DSG4: variants seen among roughly 807,000 people sequenced by gnomAD.
DSG4 encodes the protein desmoglein-4.
Under a neutral mutation model 93.1 loss-of-function variants are expected in DSG4, and 87 were observed. That is an observed-to-expected ratio of 0.93 (90% confidence interval 0.79 to 1.12). The LOEUF is 1.12. Among genes scored for constraint, DSG4 ranks in the 50% most tolerant of loss-of-function variants. The pLI is 0.00. For missense variants in DSG4, 1,373 were observed against 1,285.7 expected (o/e 1.07, Z -1.04); for synonymous variants, 432 against 452.9 (o/e 0.95, Z 0.59).
chr18:31,399,313 C>T lies in DSG4; in HGVS notation c.1047C>T (p.Ile349=), dbSNP rs768184020. ...AAGCACCTAACATTCAGCTTAGTAT[C>T]GGAGTTAAAAACCAAGCTGATTTTC... The part of the protein sequence containing the change: ...YEQAPNIQLS[I]GVKNQADFHY... The change falls in exon 9 of 16, where the codon ATC becomes ATT. Residue 349 remains isoleucine (I), a synonymous_variant. Transcript: ENST00000308128. The T allele has an allele frequency of 6.8e-6, 11 of 1,613,848 alleles. No homozygotes were observed. The highest frequency in any genetic ancestry group is 4.5e-5 in the East Asian group (2 of 44,884).
In DSG4 at chr18:31,411,268, G is replaced by A. The variant is rs1277436675; in HGVS notation, c.2175G>A (p.Val725=). ...YTNTYAAGGT[V]EGGVSGVELN... is the part of the protein sequence containing the mutation. ...ACACCTATGCAGCCGGGGGCACGGT[G>A]GAAGGAGGTGTATCGGGAGTGGAGC... The change falls in exon 15 of 16, where the codon GTG becomes GTA. Residue 725 remains valine (V), a synonymous_variant. Coordinates refer to ENST00000308128, the MANE Select transcript of DSG4 (RefSeq NM_177986.5). The A allele has an allele frequency of 6.2e-7, 1 of 1,614,196 alleles. No homozygotes were observed. Among genetic ancestry groups the A allele is most frequent in the Non-Finnish European group, 8.5e-7 (1 of 1,180,036 alleles).
rs576113919 is a variant in DSG4 at position 31,399,224 on chromosome 18, A to G, written c.1006-48A>G. Reference sequence around the variant, plus strand: ...TTACCATGGCTTCTTACTTTATCGAAAGAGAGTTCTTTGCTGTTTCAGAGT... The same window carrying G: ...TTACCATGGCTTCTTACTTTATCGAGAGAGAGTTCTTTGCTGTTTCAGAGT... On this transcript the variant is annotated intron_variant, in intron 8 of 15. Coordinates refer to ENST00000308128, the MANE Select transcript of DSG4 (RefSeq NM_177986.5). The G allele has an allele frequency of 2.8e-4, 444 of 1,610,782 alleles. 5 individuals are homozygous for G. In the South Asian group the frequency reaches 4.6e-3, roughly 17 times the overall value.
rs1032052752 is a variant in DSG4 at position 31,376,810 on chromosome 18, G to C, written c.-102G>C. ...TTATCACCCATGCCCTCCTAAAAGG[G>C]TGTCTCAAAGCATATCTTTCTGTAG... On this transcript the variant is annotated 5_prime_UTR_variant, in exon 1 of 16. Coordinates refer to ENST00000308128, the MANE Select transcript of DSG4 (RefSeq NM_177986.5). The C allele has an allele frequency of 7.8e-6, 10 of 1,275,236 alleles. No homozygotes were observed. Among genetic ancestry groups the C allele is most frequent in the Non-Finnish European group, 1.1e-5 (10 of 877,268 alleles). 79.0% of individuals were successfully genotyped at this position (1,275,236 alleles called of 1,614,324 possible).
rs762235781 is a variant in DSG4 at position 31,406,096 on chromosome 18, G to T, written c.1656G>T (p.Thr552=). The T allele has an allele frequency of 6.2e-7, 1 of 1,613,838 alleles. No homozygotes were observed. Among genetic ancestry groups the T allele is most frequent in the Non-Finnish European group, 8.5e-7 (1 of 1,179,892 alleles). Residue 552 remains threonine (T), a synonymous_variant, in exon 12 of 16, where the codon ACG becomes ACT. Coordinates refer to ENST00000308128, the MANE Select transcript of DSG4 (RefSeq NM_177986.5). ...RSTNATSAIL[T]AKQVLSPGFY... The stretch of plus-strand genomic sequence containing the variant: ...TTTCAGCTACCTCGGCAATCCTTAC[G>T]GCTAAGCAGGTTTTATCTCCAGGAT...
Position 31,413,048 on chromosome 18 carries a change from A to G in DSG4, c.2576A>G (p.Gln859Arg). ...GAAATTGAACCATTTCCTTCACACCAGGCTTGTATACCAATCAGTACTGAC... is the reference window on the plus strand; with the variant it reads ...GAAATTGAACCATTTCCTTCACACCGGGCTTGTATACCAATCAGTACTGAC... The part of the protein sequence containing the change: ...NTEIEPFPSH[Q>R]ACIPISTDLP... The change falls in exon 16 of 16, where the codon CAG (glutamine) becomes CGG (arginine). Residue 859 changes from glutamine to arginine, a missense_variant. Transcript: ENST00000308128. 1 of 1,614,184 alleles carries G rather than the reference A, an allele frequency of 6.2e-7. No homozygotes were observed.
Position 31,390,789 on chromosome 18 carries a change from A to C in DSG4, c.651A>C (p.Glu217Asp). 6.2e-7 allele frequency: 1 copy of C among 1,613,754 alleles called. No homozygotes were observed. Among genetic ancestry groups the C allele is most frequent in the South Asian group, 1.1e-5 (1 of 91,078 alleles). Reference protein sequence around the residue: ...PMFILNRYTGEVCTMSSFLDR... With the variant: ...PMFILNRYTGDVCTMSSFLDR... ...TCATTCTGAATAGGTACACTGGAGA[A>C]GTCTGCACCATGTCCAGTTTCTTGG... is the stretch of plus-strand genomic sequence containing the variant. The change falls in exon 6 of 16, where the codon GAA (glutamate) becomes GAC (aspartate). Residue 217 changes from glutamate (E) to aspartate (D), a missense_variant. Glu to Asp is a conservative substitution (Grantham distance 45). Transcript: ENST00000308128.
chr18:31,400,346 C>T (rs1340075140), intron 9 of DSG4, among the ~76,000 whole-genome samples: 2 of 152,176 alleles, frequency 1.3e-5, no homozygotes, highest in Non-Finnish European at 2.9e-5. Context: ...GAACTGAAGA[C>T]TTGAAATTGT....
At chr18:31,401,866 G>A (rs1012770034) in intron 10 of DSG4, among the ~76,000 whole-genome samples, 2 of 152,112 alleles carry the variant, frequency 1.3e-5, no homozygotes, top group African/African-American at 4.8e-5. Flanking sequence ...TAAAGAAGCA[G>A]CATAAAATTC....
rs73410275 is a variant in DSG4 at position 31,388,233 on chromosome 18, C to T, written c.217-134C>T. 5,201 of 975,962 alleles carry T rather than the reference C, an allele frequency of 5.3e-3. 192 individuals are homozygous for T. The African/African-American group carries it at 0.075, about 14-fold the overall frequency. 60.5% of individuals were successfully genotyped at this position (975,962 alleles called of 1,614,324 possible). ...GTTAAGTAAATTTTCCAGGGTCACA[C>T]AGGACTAAGTCATGGTGTCAGGTTT... On this transcript the variant is annotated intron_variant, in intron 3 of 15. Transcript: ENST00000308128.
In DSG4 at chr18:31,399,467, A is replaced by G; in HGVS notation, c.1201A>G (p.Ser401Gly). 2 of 1,614,084 alleles carry G rather than the reference A, an allele frequency of 1.2e-6. No individual in the cohort carries two copies. The highest frequency in any genetic ancestry group is 1.1e-5 in the South Asian group (1 of 91,084). Reference sequence around the variant, plus strand: ...TAGTGTGCGGGAAGGAATAAAAGGAAGTTCCTTATTGAATTATGTGCTTGG... The same window carrying G: ...TAGTGTGCGGGAAGGAATAAAAGGAGGTTCCTTATTGAATTATGTGCTTGG... ...AFSVREGIKG[S>G]SLLNYVLGTY... The change falls in exon 9 of 16, where the codon AGT becomes GGT. Residue 401 changes from serine to glycine, a missense_variant. By Grantham distance (56) the Ser-to-Gly change is moderately conservative (BLOSUM62 0). Coordinates refer to ENST00000308128, the MANE Select transcript of DSG4 (RefSeq NM_177986.5).
chr18:31,413,192 T>A lies in DSG4; in HGVS notation c.2720T>A (p.Val907Glu). Reference sequence around the variant, plus strand: ...CCCGTGGTCCATGGGGATATTATTGTGACTGAGACTTACGGTAATGCTGAT... The same window carrying A: ...CCCGTGGTCCATGGGGATATTATTGAGACTGAGACTTACGGTAATGCTGAT... Reference protein sequence around the residue: ...SEPVVHGDIIVTETYGNADPC... With the variant: ...SEPVVHGDIIETETYGNADPC... The change falls in exon 16 of 16, where the codon GTG becomes GAG. Residue 907 changes from valine (V) to glutamate (E), a missense_variant. Transcript: ENST00000308128. The A allele has an allele frequency of 6.2e-7, 1 of 1,614,180 alleles. No individual in the cohort carries two copies. The highest frequency in any genetic ancestry group is 8.5e-7 in the Non-Finnish European group (1 of 1,180,028).
chr18:31,402,773 C>T (rs1214825608), intron 10 of DSG4, among the ~76,000 whole-genome samples: 1 of 152,158 alleles, frequency 6.6e-6, no homozygotes, highest in Admixed American at 6.5e-5. Context: ...AGCTCCTGGA[C>T]TCCTAATCTT....
chr18:31,386,544 A>T, intron 2 of DSG4, 144 bp from the exon 3 acceptor site: 1 of 1,186,324 alleles, frequency 8.4e-7, no homozygotes, highest in Non-Finnish European at 1.2e-6. Context: ...ATCTATCCAG[A>T]GTTGTGAATT....
At chr18:31,391,762 C>T (rs1481312939) in intron 7 of DSG4, among the ~76,000 whole-genome samples, 1 of 152,048 alleles carries the variant, frequency 6.6e-6, no homozygotes. Context: ...TGTGCTGCAA[C>T]AGCAGACGTG....
At chr18:31,379,892 A>T (rs923218361) in intron 1 of DSG4, among the ~76,000 whole-genome samples, 1 of 152,186 alleles carries the variant, frequency 6.6e-6, no homozygotes, top group African/African-American at 2.4e-5. Context: ...TGTACTAAAC[A>T]GAATACCCTA....
intron 11 of DSG4, among the ~76,000 whole-genome samples, chr18:31,404,353 G>A (rs2072402036): frequency 6.6e-6 from 1 of 152,162 alleles, no homozygotes. Context: ...GGCTGACATC[G>A]ATAAAAATTA....
At chr18:31,396,200 T>A (rs2072303389) in intron 8 of DSG4, among the ~76,000 whole-genome samples, 1 of 152,020 alleles carries the variant, frequency 6.6e-6, no homozygotes. Context: ...ATTGGAATTC[T>A]AACAAAAAAA....
At chr18:31,384,091 C>T (rs1046267482) in intron 1 of DSG4, among the ~76,000 whole-genome samples, 2 of 152,100 alleles carry the variant, frequency 1.3e-5, no homozygotes, top group African/African-American at 4.8e-5. Flanking sequence ...CCAGTACTTA[C>T]AACTGAAAGA....
chr18:31,403,496 G>A lies in DSG4; in HGVS notation c.1498G>A (p.Glu500Lys). Residue 500 changes from glutamate (E) to lysine (K), a missense_variant, in exon 11 of 16, where the codon GAA becomes AAA. Physicochemically the swap from Glu to Lys is moderately conservative, Grantham distance 56. Coordinates refer to ENST00000308128, the MANE Select transcript of DSG4 (RefSeq NM_177986.5). The part of the protein sequence containing the change: ...INDYCPNIFP[E>K]RRTICIDSPS... Reference sequence around the variant, plus strand: ...TGATTATTGTCCAAACATTTTTCCTGAAAGAAGAACCATCTGCATTGACTC... The same window carrying A: ...TGATTATTGTCCAAACATTTTTCCTAAAAGAAGAACCATCTGCATTGACTC... 5 of 1,614,010 alleles carry A rather than the reference G, an allele frequency of 3.1e-6. No individual in the cohort carries two copies. The highest frequency in any genetic ancestry group is 4.2e-6 in the Non-Finnish European group (5 of 1,179,960).
Sources: allele counts gnomAD v4.1 joint callset (sites outside exome capture counted in the v4.1 genomes callset), GRCh38; gene constraint gnomAD v4.1.1; transcripts MANE v1.5; gene names NCBI Gene and HGNC (gene_info 2026-07-23, HGNC 2026-07-21).